MAGI2: variants seen among roughly 807,000 people sequenced by gnomAD.
The protein encoded by MAGI2 is membrane-associated guanylate kinase, WW and PDZ domain-containing protein 2.
A neutral mutation model predicts 133.3 loss-of-function variants in MAGI2; 35 were observed. The observed-to-expected ratio is 0.26, with a 90% CI of 0.20 to 0.35. The LOEUF (loss-of-function observed/expected upper bound fraction) is 0.35, where lower values mean the gene tolerates loss of function less well. Among genes scored for constraint, MAGI2 ranks in the 10% least tolerant of loss-of-function variants. The probability of loss-of-function intolerance (pLI) is 1.00; values close to 1 mark genes in which losing one functional copy is unlikely to be tolerated. For missense variants in MAGI2, 1,636 were observed against 1,863.4 expected (o/e 0.88, Z 2.25); for synonymous variants, 729 against 710.6 (o/e 1.03, Z -0.41).
chr7:78,666,394 T>C (rs976320411), intron 2 of MAGI2, among the ~76,000 whole-genome samples: 10 of 152,330 alleles, frequency 6.6e-5, no homozygotes, highest in Middle Eastern at 6.8e-3. Flanking sequence ...GTTCATTGTA[T>C]AGTTCATTGT....
At chr7:78,183,125 A>G (rs1053138659) in intron 13 of MAGI2, among the ~76,000 whole-genome samples, 2 of 152,192 alleles carry the variant, frequency 1.3e-5, no homozygotes, top group South Asian at 2.1e-4. Context: ...TAAGGATCTT[A>G]TGCAGGTAAA....
intron 2 of MAGI2, among the ~76,000 whole-genome samples, chr7:78,674,619 T>C (rs1267057157): frequency 4.6e-5 from 7 of 152,216 alleles, no homozygotes; most frequent in East Asian, 1.9e-4. Context: ...TCACCTTTGT[T>C]ATTTATAACT....
chr7:79,077,574 C>CAAAAAAAAAAAAAAAAAA (rs769770373), intron 1 of MAGI2, among the ~76,000 whole-genome samples: 8 of 23,784 alleles, frequency 3.4e-4, no homozygotes, highest in African/African-American at 9.1e-4. Flanking sequence ...GACTGCCTCT[C>CAAAAAAAAAAAAAAAAAA]AAAAAAAAAA....
At chr7:78,154,790 G>C (rs1824227002) in intron 16 of MAGI2, among the ~76,000 whole-genome samples, 1 of 152,182 alleles carries the variant, frequency 6.6e-6, no homozygotes, top group African/African-American at 2.4e-5. Context: ...GAGGTAGGAA[G>C]CACCTATAAG....
intron 6 of MAGI2, among the ~76,000 whole-genome samples, chr7:78,399,513 G>A (rs981663401): frequency 6.6e-6 from 1 of 152,116 alleles, no homozygotes; most frequent in African/African-American, 2.4e-5. Flanking sequence ...ACCAAAAAAG[G>A]CATGATATTG....
chr7:78,667,331 C>A (rs992791689), intron 2 of MAGI2, among the ~76,000 whole-genome samples: 2 of 150,110 alleles, frequency 1.3e-5, no homozygotes, highest in African/African-American at 4.9e-5. Flanking sequence ...ACAAAGCGTG[C>A]AGTATTGTAA....
chr7:78,293,283 C>T (rs994536016), intron 9 of MAGI2, among the ~76,000 whole-genome samples: 3 of 152,160 alleles, frequency 2.0e-5, no homozygotes, highest in African/African-American at 4.8e-5. Context: ...AGGATGTGAA[C>T]AGACACTTCT....
At chr7:78,121,100 A>C (rs923635134) in intron 20 of MAGI2, among the ~76,000 whole-genome samples, 1 of 150,094 alleles carries the variant, frequency 6.7e-6, no homozygotes, top group Non-Finnish European at 1.5e-5. Flanking sequence ...AGAGAAATCA[A>C]CTGTAGGTGA....
At chr7:79,066,864 GA>G (rs1814392660) in intron 1 of MAGI2, among the ~76,000 whole-genome samples, 1 of 152,086 alleles carries the variant, frequency 6.6e-6, no homozygotes, top group Non-Finnish European at 1.5e-5. Context: ...ATTAAATAGG[GA>G]ATCCTTTCCC....
intron 1 of MAGI2, among the ~76,000 whole-genome samples, chr7:79,096,361 C>G (rs532792628): frequency 1.3e-5 from 2 of 152,292 alleles, no homozygotes; most frequent in Non-Finnish European, 2.9e-5. Context: ...CCATTCCTAG[C>G]TCTGCTCCCT....
chr7:78,023,760 C>T (rs1264424431), intron 21 of MAGI2, among the ~76,000 whole-genome samples: 8 of 152,206 alleles, frequency 5.3e-5, no homozygotes, highest in Non-Finnish European at 1.2e-4. Flanking sequence ...CTGTATTCAA[C>T]TTAACATAGT....
intron 2 of MAGI2, among the ~76,000 whole-genome samples, chr7:78,671,443 T>C (rs893369016): frequency 7.2e-5 from 11 of 152,184 alleles, no homozygotes; most frequent in Non-Finnish European, 1.6e-4. Context: ...ATAGCATGTG[T>C]GACTGAAATT....
chr7:78,385,796 C>A lies in MAGI2; in HGVS notation c.1046-16583G>T, dbSNP rs568346170. Reference sequence around the variant, plus strand: ...GAATGATGTAAATGTTACACATATACCTTCATTTAGGTTATAATTAATTTT... The same window carrying A: ...GAATGATGTAAATGTTACACATATAACTTCATTTAGGTTATAATTAATTTT... On this transcript the variant is annotated intron_variant, in intron 6 of 21. Coordinates refer to ENST00000354212, the MANE Select transcript of MAGI2 (RefSeq NM_012301.4). 7.2e-5 allele frequency among the ~76,000 whole-genome samples: 11 copies of A among 152,138 alleles called. No homozygotes were observed. The South Asian group carries it at 1.5e-3, about 20-fold the overall frequency.
At chr7:78,987,001 A>G (rs895925729) in intron 2 of MAGI2, among the ~76,000 whole-genome samples, 1 of 151,966 alleles carries the variant, frequency 6.6e-6, no homozygotes, top group African/African-American at 2.4e-5. Flanking sequence ...ATTGCAAACA[A>G]ACATGTTCAG....
At chr7:78,475,056 G>A (rs998323540) in intron 6 of MAGI2, among the ~76,000 whole-genome samples, 4 of 151,796 alleles carry the variant, frequency 2.6e-5, no homozygotes, top group African/African-American at 9.7e-5. Context: ...CAGTACTTGG[G>A]ATTCAAATAC....
intron 3 of MAGI2, among the ~76,000 whole-genome samples, chr7:78,599,938 T>C (rs534065791): frequency 6.6e-6 from 1 of 152,318 alleles, no homozygotes; most frequent in South Asian, 2.1e-4. Flanking sequence ...TTTGGAATGG[T>C]GCCTCTTCCT....
At chr7:78,116,885 A>G (rs1421010360) in intron 20 of MAGI2, among the ~76,000 whole-genome samples, 1 of 152,024 alleles carries the variant, frequency 6.6e-6, no homozygotes, top group Admixed American at 6.6e-5. Context: ...CTCAAAAATG[A>G]AATAAGATAA....
chr7:79,176,770 T>C (rs1023024447), intron 1 of MAGI2, among the ~76,000 whole-genome samples: 27 of 151,968 alleles, frequency 1.8e-4, no homozygotes, highest in Non-Finnish European at 3.2e-4. Context: ...AATATCTTAG[T>C]AAAATAATTT....
intron 4 of MAGI2, among the ~76,000 whole-genome samples, chr7:78,505,017 G>T (rs2150536272): frequency 6.6e-6 from 1 of 152,226 alleles, no homozygotes; most frequent in Non-Finnish European, 1.5e-5. Context: ...AGACTGCAAG[G>T]ATGTACAACA....
Sources: gnomAD v4.1 joint callset for allele counts (sites outside exome capture counted in the v4.1 genomes callset) on GRCh38, gnomAD v4.1.1 for gene constraint, MANE v1.5 for transcripts, NCBI Gene and HGNC (gene_info 2026-07-23, HGNC 2026-07-21) for gene names.